KIF24: variants seen among roughly 807,000 people sequenced by gnomAD.
KIF24 encodes the protein kinesin family member 24.
In KIF24, 81 loss-of-function variants were observed where a neutral mutation model predicts 118.9. The ratio of observed to expected loss-of-function variants is 0.68; its 90% CI spans 0.57 to 0.82. The LOEUF (loss-of-function observed/expected upper bound fraction) is 0.82, where lower values mean the gene tolerates loss of function less well. KIF24 is among the 40% of genes least tolerant of loss of function. The pLI, the probability that KIF24 is intolerant of heterozygous loss-of-function variation, is 0.00. For missense variants in KIF24, 1,560 were observed against 1,661.6 expected, an observed-to-expected ratio of 0.94 and a Z score of 1.06; for synonymous variants, 599 against 610.0, an observed-to-expected ratio of 0.98 and a Z score of 0.27.
Position 34,318,571 on chromosome 9 carries a change from G to A in KIF24, c.-25-7200C>T, listed in dbSNP as rs1837405939. ...CCGGCCTGGCCTTCAGCCTGTACCA[G>A]GCCATGGCCAAGGACCAGGCGGTGG... On this transcript the variant is annotated intron_variant, in intron 1 of 12. Coordinates refer to ENST00000402558, the MANE Select transcript of KIF24 (RefSeq NM_194313.4). The surrounding 1 kb of genome is among the most constrained non-coding windows in gnomAD (Gnocchi z 4.9). The A allele has an allele frequency of 1.6e-6, 2 of 1,275,896 alleles. No individual in the cohort carries two copies. The highest frequency in any genetic ancestry group is 2.2e-6 in the Non-Finnish European group (2 of 890,508). 79.0% of individuals were successfully genotyped at this position (1,275,896 alleles called of 1,614,324 possible).
intron 6 of KIF24, among the ~76,000 whole-genome samples, chr9:34,284,169 G>A (rs1835953746): frequency 6.6e-6 from 1 of 152,138 alleles, no homozygotes; most frequent in South Asian, 2.1e-4. Context: ...TTGGGAAGCT[G>A]AGGTAGGAGG....
intron 3 of KIF24, among the ~76,000 whole-genome samples, chr9:34,300,697 T>G (rs1587954699): frequency 6.6e-6 from 1 of 152,050 alleles, no homozygotes; most frequent in East Asian, 1.9e-4. Context: ...ACATTATTTA[T>G]ATCTATTTCA....
intron 2 of KIF24, among the ~76,000 whole-genome samples, chr9:34,307,630 G>C (rs748948364): frequency 5.9e-5 from 9 of 151,844 alleles, no homozygotes; most frequent in African/African-American, 9.7e-5. Flanking sequence ...ACTGGATGAC[G>C]GGCCAGGTGC....
intron 1 of KIF24, among the ~76,000 whole-genome samples, chr9:34,321,180 A>G (rs1397959987): frequency 1.3e-5 from 2 of 152,202 alleles, no homozygotes; most frequent in African/African-American, 4.8e-5. Context: ...ACAGGGAGCA[A>G]AATACCTACA....
chr9:34,284,275 A>G (rs1835957499), intron 6 of KIF24, among the ~76,000 whole-genome samples: 1 of 152,106 alleles, frequency 6.6e-6, no homozygotes, highest in South Asian at 2.1e-4. Flanking sequence ...CTGTCTCTAG[A>G]AAAAAATAAA....
intron 6 of KIF24, among the ~76,000 whole-genome samples, chr9:34,278,704 C>T (rs189525864): frequency 3.9e-5 from 6 of 152,264 alleles, no homozygotes; most frequent in East Asian, 1.9e-4. Context: ...CCTCTCACTG[C>T]CTCCTCCTTC....
chr9:34,262,699 T>A (rs1188154388), intron 9 of KIF24, among the ~76,000 whole-genome samples: 1 of 68,204 alleles, frequency 1.5e-5, no homozygotes, highest in African/African-American at 6.8e-5. Flanking sequence ...TATATATATA[T>A]ATATATATAT....
At position 34,256,253 on chromosome 9, in the gene KIF24, G is replaced by C; in HGVS notation, c.3354C>G (p.Pro1118=). 6.2e-7 allele frequency: 1 copy of C among 1,606,124 alleles called. No homozygotes were observed. The highest frequency in any genetic ancestry group is 8.5e-7 in the Non-Finnish European group (1 of 1,175,774). Residue 1118 remains proline, a synonymous_variant, in exon 11 of 13, where the codon CCC becomes CCG. Coordinates refer to ENST00000402558, the MANE Select transcript of KIF24 (RefSeq NM_194313.4). ...GATCACCACCAGGCTTATTATCAGG[G>C]GGAGATGAGGACAGCCACAGGTGCC... The part of the protein sequence containing the change: ...ATRHLWLSSS[P]PDNKPGGDLP...
intron 6 of KIF24, among the ~76,000 whole-genome samples, chr9:34,276,471 T>C (rs566166112): frequency 5.3e-5 from 8 of 152,044 alleles, no homozygotes; most frequent in Middle Eastern, 3.4e-3. Context: ...CCATTTTAAT[T>C]TATATCATAT....
At chr9:34,324,539 T>C (rs1322131835) in intron 1 of KIF24, among the ~76,000 whole-genome samples, 3 of 152,218 alleles carry the variant, frequency 2.0e-5, no homozygotes, top group African/African-American at 7.2e-5. Flanking sequence ...ACACGTCTCA[T>C]ACCTGTTCTC....
In KIF24 at chr9:34,286,676, T is replaced by C. The variant is rs774523310; in HGVS notation, c.1156A>G (p.Met386Val). 3 of 1,613,380 alleles carry C rather than the reference T, an allele frequency of 1.9e-6. No individual in the cohort carries two copies. Among genetic ancestry groups the C allele is most frequent in the East Asian group, 2.2e-5 (1 of 44,892 alleles). The change falls in exon 6 of 13, where the codon ATG (methionine) becomes GTG (valine). Residue 386 changes from methionine to valine, a missense_variant. Coordinates refer to ENST00000402558, the MANE Select transcript of KIF24 (RefSeq NM_194313.4). ...TCTTGCAGTCCCACTATCTGCACCA[T>C]GTGCTTGCTATCTTCTCTTGCAAAG... Reference protein sequence around the residue: ...RLFAREDSKHMVQIVGLQELQ... With the variant: ...RLFAREDSKHVVQIVGLQELQ...
chr9:34,290,525 G>T (rs1417755366), intron 4 of KIF24, 136 bp from the exon 5 acceptor site: 5 of 545,242 alleles, frequency 9.2e-6, no homozygotes, highest in Non-Finnish European at 1.6e-5. Context: ...AAACCTTTAA[G>T]GAGAAGAGGA....
At chr9:34,311,692 A>G (rs1007662531) in intron 1 of KIF24, among the ~76,000 whole-genome samples, 31 of 148,182 alleles carry the variant, frequency 2.1e-4, no homozygotes, top group African/African-American at 6.6e-4. Context: ...ATATATACGT[A>G]TATATGTACA....
At chr9:34,316,330 ACT>A (rs949316050) in intron 1 of KIF24, among the ~76,000 whole-genome samples, 121 of 150,860 alleles carry the variant, frequency 8.0e-4, no homozygotes, top group African/African-American at 2.8e-3. Context: ...ATAGAGCGAG[ACT>A]CTATTAAAAA....
At position 34,310,999 on chromosome 9, in the gene KIF24, A is replaced by G; in HGVS notation, c.348T>C (p.Phe116=). Residue 116 remains phenylalanine (F), a synonymous_variant, in exon 2 of 13, where the codon TTT becomes TTC. Coordinates refer to ENST00000402558, the MANE Select transcript of KIF24 (RefSeq NM_194313.4). ...AGAAATCTGATAAACTGCACATTTCAAACCCATCATTGCTGGCATTTCTGT... is the reference window on the plus strand; with the variant it reads ...AGAAATCTGATAAACTGCACATTTCGAACCCATCATTGCTGGCATTTCTGT... The part of the protein sequence containing the change: ...NKDRNASNDG[F]EMCSLSDFSA... The G allele has an allele frequency of 6.2e-7, 1 of 1,614,016 alleles. No homozygotes were observed. Among genetic ancestry groups the G allele is most frequent in the Non-Finnish European group, 8.5e-7 (1 of 1,179,894 alleles).
intron 1 of KIF24, among the ~76,000 whole-genome samples, chr9:34,325,520 C>G (rs2131839367): frequency 6.6e-6 from 1 of 151,996 alleles, no homozygotes; most frequent in Non-Finnish European, 1.5e-5. Context: ...TGGTGAAACC[C>G]CATCTCCACA....
intron 2 of KIF24, among the ~76,000 whole-genome samples, chr9:34,306,662 C>T (rs1403703133): frequency 6.6e-6 from 1 of 152,084 alleles, no homozygotes; most frequent in Non-Finnish European, 1.5e-5. Context: ...ATTAGCCAGG[C>T]ATAGTGGCGT....
chr9:34,289,608 C>T (rs1467695163), intron 5 of KIF24, among the ~76,000 whole-genome samples: 1 of 152,120 alleles, frequency 6.6e-6, no homozygotes, highest in African/African-American at 2.4e-5. Flanking sequence ...AAACTTCATG[C>T]AAGAAAAATA....
At chr9:34,259,293 T>G (rs1834967672) in intron 10 of KIF24, among the ~76,000 whole-genome samples, 1 of 152,206 alleles carries the variant, frequency 6.6e-6, no homozygotes, top group Admixed American at 6.5e-5. Flanking sequence ...CCCATTAATA[T>G]TTCACTTCTC....
Sources: gnomAD v4.1 joint callset for allele counts (sites outside exome capture counted in the v4.1 genomes callset) on GRCh38, gnomAD v4.1.1 for gene constraint, Gnocchi (gnomAD v3.1) non-coding constraint, MANE v1.5 for transcripts, NCBI Gene and HGNC (gene_info 2026-07-23, HGNC 2026-07-21) for gene names.